The following ZNF326 variants were observed in gnomAD, a reference collection of about 807,000 sequenced individuals.
The protein encoded by ZNF326 is zinc finger protein 326.
ZNF326 carries 30 observed loss-of-function variants against 63.1 expected under a neutral mutation model. That is an observed-to-expected ratio of 0.48 (90% CI 0.36 to 0.64). ZNF326 has a LOEUF of 0.64. Among genes scored for constraint, ZNF326 ranks in the 30% least tolerant of loss-of-function variants. ZNF326 has a pLI of 0.00. For missense variants in ZNF326, 609 were observed against 720.3 expected, an observed-to-expected ratio of 0.85 and a Z score of 1.77; for synonymous variants, 194 against 228.2, an observed-to-expected ratio of 0.85 and a Z score of 1.35.
rs1650179646 is a variant in ZNF326, at chr1:90,029,723, A to G, written c.*2022A>G. On this transcript the variant is annotated 3_prime_UTR_variant, in exon 12 of 12. Coordinates refer to ENST00000340281, the MANE Select transcript of ZNF326 (RefSeq NM_182976.4). ...GTAACAACTGGGTAAATGTTTTAGA[A>G]TGAGAGATAGGAAAGAACATCTAAA... 1 of 152,232 alleles carries G rather than the reference A, an allele frequency of 6.6e-6. No homozygotes were observed. The highest frequency in any genetic ancestry group is 2.4e-5 in the African/African-American group (1 of 41,468). 9.4% of individuals were successfully genotyped at this position (152,232 alleles called of 1,614,324 possible). A position where few individuals can be genotyped will look rare whatever the true frequency, so the allele number is the denominator to read the frequency against.
chr1:90,029,278 C>A lies in ZNF326; in HGVS notation c.*1577C>A, dbSNP rs1650161305. 1 of 124,732 alleles carries A rather than the reference C, an allele frequency of 8.0e-6. No homozygotes were observed. The highest frequency in any genetic ancestry group is 1.7e-5 in the Non-Finnish European group (1 of 59,110). 7.7% of individuals were successfully genotyped at this position (124,732 alleles called of 1,614,324 possible). A position where few individuals can be genotyped will look rare whatever the true frequency, so the allele number is the denominator to read the frequency against. ...GCTTTTAAAACTAGACTTTCTGAACCAATACAGTTTTTTTTTTTTGAGGTG... is the reference window on the plus strand; with the variant it reads ...GCTTTTAAAACTAGACTTTCTGAACAAATACAGTTTTTTTTTTTTGAGGTG... On this transcript the variant is annotated 3_prime_UTR_variant, in exon 12 of 12. Transcript: ENST00000340281.
intron 7 of ZNF326, among the ~76,000 whole-genome samples, chr1:90,014,770 C>A (rs921491028): frequency 6.6e-6 from 1 of 152,090 alleles, no homozygotes; most frequent in African/African-American, 2.4e-5. Flanking sequence ...GTTCTCTGTC[C>A]CATTCATTAT....
At chr1:90,004,219 T>A (rs111564573) in intron 2 of ZNF326, among the ~76,000 whole-genome samples, 9 of 152,204 alleles carry the variant, frequency 5.9e-5, no homozygotes, top group African/African-American at 2.2e-4. Context: ...ATTGCTAGAA[T>A]TTGCATTCAT....
At position 90,013,232 on chromosome 1, in the gene ZNF326, A is replaced by G. The variant is rs550677850; in HGVS notation, c.921A>G (p.Gly307=). Residue 307 remains glycine, a synonymous_variant, in exon 7 of 12, where the codon GGA becomes GGG. Transcript: ENST00000340281. The part of the protein sequence containing the change: ...REKNSEKYGD[G]YRMAFTCSFC... ...AAAACAGTGAGAAATACGGAGATGG[A>G]TACAGGTTTGTACTTAGAGTCAGAA... 117 of 1,598,752 alleles carry G rather than the reference A, an allele frequency of 7.3e-5. No homozygotes were observed. The South Asian group carries it at 1.3e-3, about 17-fold the overall frequency.
At chr1:90,023,477 G>A (rs183023498) in intron 11 of ZNF326, among the ~76,000 whole-genome samples, 18 of 151,952 alleles carry the variant, frequency 1.2e-4, no homozygotes, top group African/African-American at 4.1e-4. Flanking sequence ...CTTGCAGCTC[G>A]TTCCTTAGGG....
chr1:89,995,918 C>G (rs944980184), intron 1 of ZNF326, among the ~76,000 whole-genome samples: 1 of 152,116 alleles, frequency 6.6e-6, no homozygotes, highest in Non-Finnish European at 1.5e-5. Context: ...TTATGTGAAC[C>G]AAAGCACTTT....
At chr1:90,021,596 A>G (rs945388674) in intron 10 of ZNF326, among the ~76,000 whole-genome samples, 4 of 152,138 alleles carry the variant, frequency 2.6e-5, no homozygotes, top group Non-Finnish European at 5.9e-5. Context: ...ACTTCAGACA[A>G]TACAAATGTT....
At position 90,033,947 on chromosome 1, in the gene ZNF326, A is replaced by AC. The variant is rs984956923; in HGVS notation, c.*6246_*6247insC. 2 of 143,834 alleles carry AC rather than the reference A, an allele frequency of 1.4e-5. No homozygotes were observed. The highest frequency in any genetic ancestry group is 5.6e-5 in the African/African-American group (2 of 35,574). The allele number at this position is 143,834 out of a possible 1,614,324, so 8.9% of individuals were successfully genotyped here. A position where few individuals can be genotyped will look rare whatever the true frequency, so the allele number is the denominator to read the frequency against. Reference sequence around the variant, plus strand: ...TGAAAAAAGAAGTGAAGAATAGGAAAAAAAAAAAAATCTTCTGATGAAAGA... The same window carrying AC: ...TGAAAAAAGAAGTGAAGAATAGGAAACAAAAAAAAAATCTTCTGATGAAAGA... On this transcript the variant is annotated 3_prime_UTR_variant, in exon 12 of 12. Transcript: ENST00000340281.
At position 90,028,730 on chromosome 1, in the gene ZNF326, A is replaced by T. The variant is rs1650138184; in HGVS notation, c.*1029A>T. 6.6e-6 allele frequency: 1 copy of T among 151,806 alleles called. No individual in the cohort carries two copies. Among genetic ancestry groups the T allele is most frequent in the Non-Finnish European group, 1.5e-5 (1 of 67,998 alleles). 9.4% of individuals were successfully genotyped at this position (151,806 alleles called of 1,614,324 possible). ...TAGAGGATCTATTCTTAAATAATTT[A>T]TTTTCAAACAACCGTCTATGTCACT... On this transcript the variant is annotated 3_prime_UTR_variant, in exon 12 of 12. Coordinates refer to ENST00000340281, the MANE Select transcript of ZNF326 (RefSeq NM_182976.4).
At chr1:89,998,236 T>A (rs764938097) in intron 2 of ZNF326, 82 bp downstream of exon 2, 69 of 1,387,310 alleles carry the variant, frequency 5.0e-5, no homozygotes, top group Non-Finnish European at 6.7e-5. Flanking sequence ...CCTATTTCAG[T>A]CCTTGTTTTG....
intron 9 of ZNF326, among the ~76,000 whole-genome samples, chr1:90,020,065 T>A (rs1205793054): frequency 6.6e-6 from 1 of 152,124 alleles, no homozygotes; most frequent in African/African-American, 2.4e-5. Context: ...CAAATCCTTT[T>A]CTGTTGTCTT....
chr1:90,016,177 C>T (rs772915176), intron 7 of ZNF326, among the ~76,000 whole-genome samples: 7 of 152,028 alleles, frequency 4.6e-5, no homozygotes, highest in East Asian at 1.9e-4. Context: ...TCCTCAGACA[C>T]CTCTGTGAGC....
chr1:89,996,693 C>A (rs1336297324), intron 1 of ZNF326, among the ~76,000 whole-genome samples: 2 of 151,092 alleles, frequency 1.3e-5, no homozygotes, highest in African/African-American at 4.9e-5. Context: ...GAGCCGAGAT[C>A]GTGCCATTGC....
Position 90,017,196 on chromosome 1 carries a change from C to G in ZNF326, c.927-121C>G, listed in dbSNP as rs116752792. On this transcript the variant is annotated intron_variant, in intron 7 of 11. Coordinates refer to ENST00000340281, the MANE Select transcript of ZNF326 (RefSeq NM_182976.4). ...GGATTTAAGCTAAGTTTAATTCAGT[C>G]ATAAAGAGGAAGAAAGGAAATCATT... The G allele has an allele frequency of 1.8e-3, 1,362 of 738,464 alleles. 14 individuals carry two copies. The African/African-American group carries it at 0.022, about 12-fold the overall frequency. 45.7% of individuals were successfully genotyped at this position (738,464 alleles called of 1,614,324 possible).
chr1:89,996,966 G>T (rs1050115109), intron 1 of ZNF326, among the ~76,000 whole-genome samples: 1 of 152,210 alleles, frequency 6.6e-6, no homozygotes, highest in Non-Finnish European at 1.5e-5. Flanking sequence ...TTTCTATGGA[G>T]AATTGAAAAA....
Position 90,027,525 on chromosome 1 carries a change from A to G in ZNF326, c.1573A>G (p.Arg525Gly), listed in dbSNP as rs770463393. 3.7e-6 allele frequency: 6 copies of G among 1,610,912 alleles called. No homozygotes were observed. Among genetic ancestry groups the G allele is most frequent in the Non-Finnish European group, 5.1e-6 (6 of 1,178,602 alleles). Residue 525 changes from arginine to glycine, a missense_variant, in exon 12 of 12, where the codon AGA becomes GGA. Around this residue, in one of 3 missense-constraint regions of ZNF326, gnomAD observed 399 missense variants for 444.3 expected, o/e 0.90. Coordinates refer to ENST00000340281, the MANE Select transcript of ZNF326 (RefSeq NM_182976.4). The stretch of plus-strand genomic sequence containing the variant: ...GGAAGTGGAAGAAGTAGAGGAAGTG[A>G]GAGAAGGAGGAATAGAGGGCGAGGG... ...VEEVEEVEEV[R>G]EGGIEGEGNI... is the part of the protein sequence containing the mutation.
At chr1:90,000,444 A>T (rs1648619203) in intron 2 of ZNF326, among the ~76,000 whole-genome samples, 3 of 152,150 alleles carry the variant, frequency 2.0e-5, no homozygotes, top group Non-Finnish European at 4.4e-5. Context: ...CATGCCTATA[A>T]TCCTAGTGCT....
Position 90,027,385 on chromosome 1 carries a change from C to T in ZNF326, c.1433C>T (p.Ser478Phe). ...GENPFEIQDH[S>F]QDQQIEGDEE... The stretch of plus-strand genomic sequence containing the variant: ...AATCCTTTTGAAATTCAAGACCATT[C>T]TCAGGATCAGCAAATAGAAGGAGAT... The change falls in exon 12 of 12, where the codon TCT becomes TTT. Residue 478 changes from serine to phenylalanine, a missense_variant. Around this residue, in one of 3 missense-constraint regions of ZNF326, gnomAD observed 399 missense variants for 444.3 expected, o/e 0.90. Transcript: ENST00000340281. 2 of 1,613,748 alleles carry T rather than the reference C, an allele frequency of 1.2e-6. No individual in the cohort carries two copies. Among genetic ancestry groups the T allele is most frequent in the South Asian group, 1.1e-5 (1 of 91,048 alleles).
chr1:90,006,374 TATCC>T (rs1648988707), intron 4 of ZNF326: 2 of 983,048 alleles, frequency 2.0e-6, no homozygotes, highest in African/African-American at 3.5e-5. Context: ...GCATAAGCTA[TATCC>T]GTAGATGTTA....
Sources: allele counts gnomAD v4.1 joint callset (sites outside exome capture counted in the v4.1 genomes callset), GRCh38; gene constraint gnomAD v4.1.1; regional missense constraint gnomAD v4.1.1; transcripts MANE v1.5; gene names NCBI Gene and HGNC (gene_info 2026-07-23, HGNC 2026-07-21).